Variants in PCDHA2 observed in about 807,000 individuals in gnomAD.
PCDHA2 encodes the protein protocadherin alpha-2.
In PCDHA2, 58 loss-of-function variants were observed where a neutral mutation model predicts 66.0. The observed-to-expected ratio is 0.88, with a 90% confidence interval of 0.71 to 1.09. The LOEUF is 1.09. Among genes scored for constraint, PCDHA2 ranks in the 50% least tolerant of loss-of-function variants. The pLI, the probability that PCDHA2 is intolerant of heterozygous loss-of-function variation, is 0.00. For synonymous variants in PCDHA2, 634 were observed against 554.0 expected (o/e 1.14, Z -2.03); for missense variants, 1,267 against 1,242.3 (o/e 1.02, Z -0.30).
rs1383515995 is a variant in PCDHA2 at position 140,856,091 on chromosome 5, C to T, written c.2388+58739C>T. The stretch of plus-strand genomic sequence containing the variant: ...CTGCCTGGGGGTCCAGTGTCTGCTG[C>T]TCTCGCTTCTTCTCCTCGCAGCCTG... On this transcript the variant is annotated intron_variant, in intron 1 of 3. Coordinates refer to ENST00000526136, the MANE Select transcript of PCDHA2 (RefSeq NM_018905.3). 13 of 1,597,006 alleles carry T rather than the reference C, an allele frequency of 8.1e-6. 1 individual carries two copies. The highest frequency in any genetic ancestry group is 1.3e-5 in the African/African-American group (1 of 74,304).
intron 1 of PCDHA2, chr5:140,864,831 A>G (rs2048618192): frequency 1.3e-5 from 2 of 152,186 alleles, no homozygotes; most frequent in Non-Finnish European, 2.9e-5. Context: ...GGCTTTAAGT[A>G]TAAGAGAGTC....
At position 140,883,599 on chromosome 5, in the gene PCDHA2, G is replaced by A. The variant is rs1562791244; in HGVS notation, c.2388+86247G>A. ...TGGGCCACGGCCAGCGTGTCGGTGG[G>A]GGTGGCCGACGTGAACGACAACGCG... On this transcript the variant is annotated intron_variant, in intron 1 of 3. Coordinates refer to ENST00000526136, the MANE Select transcript of PCDHA2 (RefSeq NM_018905.3). 4 of 1,614,016 alleles carry A rather than the reference G, an allele frequency of 2.5e-6. No homozygotes were observed. Among genetic ancestry groups the A allele is most frequent in the Non-Finnish European group, 3.4e-6 (4 of 1,179,942 alleles).
At chr5:140,877,067 A>C in intron 1 of PCDHA2, 4 of 1,613,082 alleles carry the variant, frequency 2.5e-6, no homozygotes, top group Non-Finnish European at 3.4e-6. Context: ...GAGCTGCTGC[A>C]GTTCCAGGTG....
intron 1 of PCDHA2, chr5:140,847,751 C>T (rs1781170062): frequency 1.3e-5 from 2 of 149,804 alleles, no homozygotes; most frequent in Non-Finnish European, 3.0e-5. Context: ...CCCCACGCAA[C>T]ACAAGACCTT....
At chr5:140,826,886 C>A (rs1769095923) in intron 1 of PCDHA2, among the ~76,000 whole-genome samples, 1 of 151,996 alleles carries the variant, frequency 6.6e-6, no homozygotes, top group African/African-American at 2.4e-5. Context: ...GAAAGCTGTA[C>A]TCATAAAGAT....
At chr5:140,883,897 G>A in intron 1 of PCDHA2, 1 of 1,613,332 alleles carries the variant, frequency 6.2e-7, no homozygotes, top group Non-Finnish European at 8.5e-7. Flanking sequence ...CTGGCGTGCC[G>A]CCTCTGGGCA....
rs371906545 is a variant in PCDHA2, at chr5:140,875,244, A to C, written c.2388+77892A>C. 9 of 951,720 alleles carry C rather than the reference A, an allele frequency of 9.5e-6. No homozygotes were observed. The East Asian group carries it at 2.2e-4, about 24-fold the overall frequency. The allele number at this position is 951,720 out of a possible 1,614,324, so 59.0% of individuals were successfully genotyped here. A position where few individuals can be genotyped will look rare whatever the true frequency, so the allele number is the denominator to read the frequency against. ...TCAGGATCTTTCTTGTACTTACATA[A>C]TCAGTCACATGATGTCGCTCTACAC... On this transcript the variant is annotated intron_variant, in intron 1 of 3. Transcript: ENST00000526136.
intron 1 of PCDHA2, among the ~76,000 whole-genome samples, chr5:140,845,833 T>G (rs1323820046): frequency 2.0e-5 from 3 of 149,812 alleles, no homozygotes; most frequent in Non-Finnish European, 4.5e-5. Context: ...GTTATTACCA[T>G]TCTTAAGAGA....
chr5:140,895,763 T>C (rs1291731285), intron 1 of PCDHA2, among the ~76,000 whole-genome samples: 2 of 152,170 alleles, frequency 1.3e-5, no homozygotes, highest in East Asian at 1.9e-4. Context: ...TTTTCTTTCT[T>C]TATGGCTGCA....
At chr5:140,869,799 C>T (rs781959839) in intron 1 of PCDHA2, 1 of 1,612,706 alleles carries the variant, frequency 6.2e-7, no homozygotes, top group Non-Finnish European at 8.5e-7. Flanking sequence ...TAGTCCAAGT[C>T]TTGGATGTCA....
At chr5:140,850,206 A>T in intron 1 of PCDHA2, 1 of 1,592,626 alleles carries the variant, frequency 6.3e-7, no homozygotes, top group South Asian at 1.1e-5. Flanking sequence ...ACCTCGGATG[A>T]GGGGCACTGA....
At chr5:140,803,340 C>T (rs1485778021) in intron 1 of PCDHA2, 1 of 1,614,216 alleles carries the variant, frequency 6.2e-7, no homozygotes, top group Non-Finnish European at 8.5e-7. Flanking sequence ...GGTGCTCACA[C>T]TGCTGCTATA....
chr5:141,004,014 A>T (rs1294633411), intron 3 of PCDHA2, among the ~76,000 whole-genome samples: 40 of 152,222 alleles, frequency 2.6e-4, no homozygotes, highest in African/African-American at 9.4e-4. Context: ...GGCAGCACTG[A>T]AAGAAGAAAC....
At position 140,848,233 on chromosome 5, in the gene PCDHA2, TAA is replaced by T. The variant is rs1363334655; in HGVS notation, c.2388+50882_2388+50883del. The stretch of plus-strand genomic sequence containing the variant: ...TTAAGAAAAAATTAAGAAAATGAAA[TAA>T]GTTTTGCAGAATAACTGTGAAATTT... On this transcript the variant is annotated intron_variant, in intron 1 of 3. Transcript: ENST00000526136. The T allele has an allele frequency of 7.5e-5, 31 of 410,834 alleles. 1 individual carries two copies. Among genetic ancestry groups the T allele is most frequent in the Middle Eastern group, 1.3e-3 (2 of 1,546 alleles). 25.4% of individuals were successfully genotyped at this position (410,834 alleles called of 1,614,324 possible).
intron 1 of PCDHA2, chr5:140,824,528 C>T (rs2150134685): frequency 9.5e-5 from 19 of 200,362 alleles, no homozygotes; most frequent in Middle Eastern, 2.0e-3. Context: ...CATAGCTCAC[C>T]GAAGCCTGAA....
intron 1 of PCDHA2, chr5:140,869,469 G>C (rs781981842): frequency 6.2e-6 from 10 of 1,614,092 alleles, no homozygotes; most frequent in Admixed American, 1.7e-5. Flanking sequence ...TGAACGTGGA[G>C]GTGAAGGACA....
chr5:140,809,278 C>T (rs868946877), intron 1 of PCDHA2: 5 of 1,613,996 alleles, frequency 3.1e-6, no homozygotes, highest in Non-Finnish European at 4.2e-6. Context: ...TGGATGTCAA[C>T]GTATACCTGA....
At chr5:140,929,241 T>TG (rs2085975080) in intron 1 of PCDHA2, 1 of 1,613,878 alleles carries the variant, frequency 6.2e-7, no homozygotes. Context: ...TGCGAAATCT[T>TG]GCCACTGGGG....
At chr5:140,803,640 C>T in intron 1 of PCDHA2, 3 of 1,613,246 alleles carry the variant, frequency 1.9e-6, no homozygotes, top group Non-Finnish European at 2.5e-6. Context: ...TTTTTCATTC[C>T]TCAATGTTTC....
Sources: gnomAD v4.1 joint callset for allele counts (sites outside exome capture counted in the v4.1 genomes callset) on GRCh38, gnomAD v4.1.1 for gene constraint, MANE v1.5 for transcripts, NCBI Gene and HGNC (gene_info 2026-07-23, HGNC 2026-07-21) for gene names.